Variants in PPP3CB observed in about 807,000 individuals in gnomAD.
The protein encoded by PPP3CB is serine/threonine-protein phosphatase 2B catalytic subunit beta isoform.
Under a neutral mutation model 66.4 loss-of-function variants are expected in PPP3CB, and 8 were observed. That is an observed-to-expected ratio of 0.12 (90% CI 0.07 to 0.22). The LOEUF (loss-of-function observed/expected upper bound fraction) is 0.22. Ranked by LOEUF, PPP3CB falls within the 10% of genes least tolerant of loss-of-function variation. The pLI, the probability that PPP3CB is intolerant of heterozygous loss-of-function variation, is 1.00. For synonymous variants in PPP3CB, 208 were observed against 221.2 expected, an observed-to-expected ratio of 0.94 and a Z score of 0.53; for missense variants, 319 against 642.5, an observed-to-expected ratio of 0.50 and a Z score of 5.44.
intron 9 of PPP3CB, 47 bp from the exon 10 acceptor site, chr10:73,454,536 T>C: frequency 7.6e-7 from 1 of 1,316,030 alleles, no homozygotes; most frequent in Non-Finnish European, 1.1e-6. Context: ...TATATAACTG[T>C]CTATACATAC....
intron 1 of PPP3CB, among the ~76,000 whole-genome samples, chr10:73,487,529 C>A (rs1434708511): frequency 9.0e-6 from 1 of 111,510 alleles, no homozygotes; most frequent in Non-Finnish European, 1.7e-5. Flanking sequence ...GCCAGGGCAA[C>A]AGAGTGAGAC....
intron 3 of PPP3CB, among the ~76,000 whole-genome samples, chr10:73,476,620 T>TAAAAAAA (rs1296984557): frequency 8.2e-6 from 1 of 122,274 alleles, no homozygotes; most frequent in Admixed American, 8.3e-5. Flanking sequence ...CCATCTCAAT[T>TAAAAAAA]AAAAAAAAAA....
chr10:73,463,451 T>C (rs1345677844), intron 9 of PPP3CB, among the ~76,000 whole-genome samples: 2 of 152,222 alleles, frequency 1.3e-5, no homozygotes, highest in African/African-American at 4.8e-5. Flanking sequence ...TTTCATTCTT[T>C]TTCTACTACT....
chr10:73,471,778 C>T (rs141653845), intron 4 of PPP3CB, among the ~76,000 whole-genome samples, 165 bp from the exon 5 acceptor site: 62 of 151,762 alleles, frequency 4.1e-4, no homozygotes, highest in South Asian at 2.9e-3. Flanking sequence ...TAGTAATAGC[C>T]CAGACAGACA....
At chr10:73,464,896 A>T (rs926137828) in intron 9 of PPP3CB, among the ~76,000 whole-genome samples, 1 of 151,998 alleles carries the variant, frequency 6.6e-6, no homozygotes, top group Non-Finnish European at 1.5e-5. Context: ...GTGCCTGGGC[A>T]ATAGAATGAG....
intron 1 of PPP3CB, among the ~76,000 whole-genome samples, chr10:73,487,793 T>G (rs2057007902): frequency 6.6e-6 from 1 of 151,750 alleles, no homozygotes; most frequent in Non-Finnish European, 1.5e-5. Context: ...TTTGTTTTTT[T>G]TTTTTCCACA....
intron 9 of PPP3CB, among the ~76,000 whole-genome samples, chr10:73,462,508 T>C (rs751107863): frequency 6.6e-6 from 1 of 152,084 alleles, no homozygotes; most frequent in East Asian, 1.9e-4. Context: ...CACTCTGTAC[T>C]GTGGCTGTAG....
At chr10:73,450,242 T>G (rs1395051893) in intron 10 of PPP3CB, among the ~76,000 whole-genome samples, 1 of 152,054 alleles carries the variant, frequency 6.6e-6, no homozygotes, top group Non-Finnish European at 1.5e-5. Context: ...AAGTCAGATA[T>G]CTCCCCAGAC....
At chr10:73,479,700 C>G (rs914647139) in intron 1 of PPP3CB, among the ~76,000 whole-genome samples, 183 bp from the exon 2 acceptor site, 1 of 152,166 alleles carries the variant, frequency 6.6e-6, no homozygotes. Context: ...GCTATTTATA[C>G]TAACATGTTC....
intron 8 of PPP3CB, among the ~76,000 whole-genome samples, chr10:73,468,209 A>C (rs1589702240): frequency 1.3e-5 from 2 of 152,214 alleles, no homozygotes; most frequent in East Asian, 3.8e-4. Context: ...ATGGAAAATC[A>C]GACAAAATTA....
intron 12 of PPP3CB, chr10:73,443,994 G>A (rs563112791): frequency 1.3e-5 from 2 of 152,410 alleles, no homozygotes; most frequent in South Asian, 4.1e-4. Flanking sequence ...CTTCTACATT[G>A]CAAGACAGAC....
chr10:73,454,378 G>C (rs773170126), intron 10 of PPP3CB, 34 bp downstream of exon 10: 1 of 1,456,054 alleles, frequency 6.9e-7, no homozygotes, highest in Non-Finnish European at 9.5e-7. Flanking sequence ...CCATTTCACA[G>C]TAAAAAAAAA....
At chr10:73,484,395 C>T (rs58203564) in intron 1 of PPP3CB, among the ~76,000 whole-genome samples, 13 of 151,934 alleles carry the variant, frequency 8.6e-5, no homozygotes, top group Admixed American at 8.5e-4. Context: ...CTCAGCCTCC[C>T]GAGTAGCTGG....
At chr10:73,464,517 C>A (rs75427218) in intron 9 of PPP3CB, among the ~76,000 whole-genome samples, 7,085 of 152,142 alleles carry the variant, frequency 0.047, 502 homozygotes, top group African/African-American at 0.15. Context: ...GTGAAGGTTG[C>A]AAATTCATTT....
At chr10:73,455,614 G>T (rs375759572) in intron 9 of PPP3CB, among the ~76,000 whole-genome samples, 375 of 152,236 alleles carry the variant, frequency 2.5e-3, no homozygotes, top group African/African-American at 8.5e-3. Flanking sequence ...TGTCGCCCAG[G>T]TTGGAGTGCA....
chr10:73,464,768 C>G (rs1297527598), intron 9 of PPP3CB, among the ~76,000 whole-genome samples: 1 of 152,004 alleles, frequency 6.6e-6, no homozygotes, highest in Non-Finnish European at 1.5e-5. Flanking sequence ...CCCGTCTCTA[C>G]TAAATATACA....
intron 1 of PPP3CB, among the ~76,000 whole-genome samples, chr10:73,491,027 T>G (rs1268145309): frequency 1.1e-4 from 12 of 108,384 alleles, no homozygotes; most frequent in African/African-American, 4.3e-4. Context: ...TTATTGTTTT[T>G]TTTTTTTTTT....
At chr10:73,469,023 AC>A (rs1044295808) in intron 8 of PPP3CB, among the ~76,000 whole-genome samples, 19 of 152,334 alleles carry the variant, frequency 1.2e-4, no homozygotes, top group African/African-American at 4.6e-4. Context: ...CTACAAAGAG[AC>A]ATCTGATTTT....
intron 1 of PPP3CB, among the ~76,000 whole-genome samples, chr10:73,483,249 G>A (rs1326199829): frequency 6.6e-6 from 1 of 152,222 alleles, no homozygotes; most frequent in Non-Finnish European, 1.5e-5. Flanking sequence ...TTTTTAAAAT[G>A]TGTACAGGTT....
Sources: gnomAD v4.1 joint callset for allele counts (sites outside exome capture counted in the v4.1 genomes callset) on GRCh38, gnomAD v4.1.1 for gene constraint, MANE v1.5 for transcripts, NCBI Gene and HGNC (gene_info 2026-07-23, HGNC 2026-07-21) for gene names.